ABCC1: variants seen among roughly 807,000 people sequenced by gnomAD.
The protein encoded by ABCC1 is ATP binding cassette subfamily C member 1 (ABCC1 blood group), also known as multidrug resistance-associated protein 1.
Under a neutral mutation model 172.9 loss-of-function variants are expected in ABCC1, and 83 were observed. The ratio of observed to expected loss-of-function variants is 0.48; its 90% CI spans 0.40 to 0.58. The LOEUF is 0.58. Ranked by LOEUF, ABCC1 falls within the 20% of genes least tolerant of loss-of-function variation. ABCC1 has a pLI of 0.00. For missense variants in ABCC1, 1,817 were observed against 2,002.7 expected (o/e 0.91, Z 1.77); for synonymous variants, 937 against 825.2 (o/e 1.14, Z -2.32).
At chr16:16,112,139 G>GC (rs1180394326) in intron 22 of ABCC1, among the ~76,000 whole-genome samples, 1 of 152,044 alleles carries the variant, frequency 6.6e-6, no homozygotes, top group African/African-American at 2.4e-5. Flanking sequence ...ATTGCTTGAG[G>GC]CCAGATATTC....
chr16:16,128,233 AG>A lies in ABCC1; in HGVS notation c.3819+2323del, dbSNP rs376789726. Among the ~76,000 whole-genome samples the A allele has an allele frequency of 2.5e-3, 378 of 152,054 alleles. 2 individuals are homozygous for A. The highest frequency in any genetic ancestry group is 8.0e-3 in the African/African-American group (333 of 41,450). ...TAAGTCTCGCTCCAGCCTGGAGTGC[AG>A]TGGCATGATCTCAGCTCACTGCAAC... On this transcript the variant is annotated intron_variant, in intron 26 of 30. Transcript: ENST00000399410.
intron 23 of ABCC1, among the ~76,000 whole-genome samples, chr16:16,118,924 G>A (rs7205368): frequency 3.5e-5 from 5 of 142,378 alleles, no homozygotes; most frequent in African/African-American, 1.0e-4. Context: ...GCAGTGCTTA[G>A]AATGTTCTCA....
Position 16,138,503 on chromosome 16 carries a change from G to T in ABCC1, c.4432G>T (p.Asp1478Tyr). Residue 1478 changes from aspartate to tyrosine, a missense_variant, in exon 30 of 31, where the codon GAC (aspartate) becomes TAC (tyrosine). This residue lies in a region of ABCC1 where 1,412 missense variants were observed against 1,600.3 expected (regional missense o/e 0.88). Coordinates refer to ENST00000399410, the MANE Select transcript of ABCC1 (RefSeq NM_004996.4). ...GTCCACCATCCGGACACAGTTCGAG[G>T]ACTGCACCGTCCTCACCATCGCCCA... ...IQSTIRTQFE[D>Y]CTVLTIAHRL... is the part of the protein sequence containing the mutation. 6.2e-7 allele frequency: 1 copy of T among 1,612,020 alleles called. No homozygotes were observed. The highest frequency in any genetic ancestry group is 8.5e-7 in the Non-Finnish European group (1 of 1,178,484).
At chr16:16,115,328 T>C (rs1004538457) in intron 23 of ABCC1, among the ~76,000 whole-genome samples, 1 of 152,226 alleles carries the variant, frequency 6.6e-6, no homozygotes, top group Non-Finnish European at 1.5e-5. Flanking sequence ...ACAAAACCTA[T>C]CACTATAAAG....
rs372605951 is a variant in ABCC1, at chr16:16,056,058, G to A, written c.1474-34G>A. On this transcript the variant is annotated intron_variant, in intron 11 of 30. Transcript: ENST00000399410. The stretch of plus-strand genomic sequence containing the variant: ...TGAGTGATGGGCTGATCCCAGGGTC[G>A]CCCCAGATGTGTTGACTGCCCGTCT... The A allele has an allele frequency of 1.3e-4, 203 of 1,596,084 alleles. 3 individuals carry two copies. Among genetic ancestry groups the A allele is most frequent in the African/African-American group, 3.5e-4 (26 of 74,528 alleles).
chr16:16,066,309 G>T (rs559000788), intron 12 of ABCC1, among the ~76,000 whole-genome samples: 2 of 152,052 alleles, frequency 1.3e-5, no homozygotes, highest in East Asian at 3.9e-4. Flanking sequence ...AGCCTACTGA[G>T]TAGCTGGGAT....
At chr16:16,076,102 G>A in intron 14 of ABCC1, 1 of 544,238 alleles carries the variant, frequency 1.8e-6, no homozygotes, top group Non-Finnish European at 3.2e-6. Context: ...CAAGGACAAA[G>A]CTGCTTGCAG....
intron 19 of ABCC1, among the ~76,000 whole-genome samples, chr16:16,100,902 G>A (rs1038889910): frequency 1.3e-5 from 2 of 152,198 alleles, no homozygotes; most frequent in African/African-American, 4.8e-5. Flanking sequence ...ACATATCACA[G>A]TTCCTGGAGC....
chr16:15,950,374 A>G (rs987579460), intron 1 of ABCC1, among the ~76,000 whole-genome samples: 1 of 151,634 alleles, frequency 6.6e-6, no homozygotes, highest in African/African-American at 2.4e-5. Context: ...CTGCGGGGGA[A>G]GTTTGGGGGA....
chr16:16,047,348 G>A (rs539020257), intron 9 of ABCC1, among the ~76,000 whole-genome samples: 1 of 152,254 alleles, frequency 6.6e-6, no homozygotes, highest in East Asian at 1.9e-4. Flanking sequence ...CTAGAGTGCA[G>A]TGGCATGATC....
chr16:16,085,211 G>A (rs2050961700), intron 17 of ABCC1, among the ~76,000 whole-genome samples: 1 of 152,056 alleles, frequency 6.6e-6, no homozygotes, highest in Non-Finnish European at 1.5e-5. Flanking sequence ...CATCTCCCAG[G>A]TTTTCCTGCT....
intron 26 of ABCC1, among the ~76,000 whole-genome samples, chr16:16,130,337 A>ATT (rs59553978): frequency 7.3e-5 from 11 of 151,722 alleles, no homozygotes; most frequent in African/African-American, 2.4e-4. Flanking sequence ...ATTTATTTAA[A>ATT]TTTTTTTTTA....
chr16:15,981,083 C>T (rs1366894735), intron 1 of ABCC1, among the ~76,000 whole-genome samples: 6 of 152,224 alleles, frequency 3.9e-5, no homozygotes, highest in Non-Finnish European at 1.5e-5. Flanking sequence ...CCAGGTCATG[C>T]TTATGCGAGA....
At chr16:15,978,290 C>G (rs2046537291) in intron 1 of ABCC1, among the ~76,000 whole-genome samples, 1 of 152,036 alleles carries the variant, frequency 6.6e-6, no homozygotes, top group Non-Finnish European at 1.5e-5. Flanking sequence ...CTCCTGAGCT[C>G]AGGAGGTTGA....
intron 20 of ABCC1, among the ~76,000 whole-genome samples, 196 bp downstream of exon 20, chr16:16,102,913 G>A (rs1387459469): frequency 6.6e-6 from 1 of 152,182 alleles, no homozygotes; most frequent in Non-Finnish European, 1.5e-5. Context: ...CTTTTTGCCA[G>A]GTGGCACAAC....
At chr16:16,115,284 G>A (rs556527417) in intron 23 of ABCC1, among the ~76,000 whole-genome samples, 98 of 152,220 alleles carry the variant, frequency 6.4e-4, no homozygotes, top group African/African-American at 2.2e-3. Context: ...TTTTTCCTAA[G>A]TTTTACTTTT....
At chr16:16,140,895 A>G (rs1230970990) in intron 30 of ABCC1, among the ~76,000 whole-genome samples, 3 of 152,220 alleles carry the variant, frequency 2.0e-5, no homozygotes, top group Admixed American at 1.3e-4. Context: ...TTTACTCTGA[A>G]TGTAATGGAA....
At chr16:16,111,993 G>T (rs879879207) in intron 22 of ABCC1, among the ~76,000 whole-genome samples, 1 of 152,126 alleles carries the variant, frequency 6.6e-6, no homozygotes, top group Non-Finnish European at 1.5e-5. Context: ...CCAATTATGG[G>T]CAGTGTTGTC....
chr16:15,969,302 G>A (rs1467205262), intron 1 of ABCC1, among the ~76,000 whole-genome samples: 2 of 151,598 alleles, frequency 1.3e-5, no homozygotes, highest in Admixed American at 6.6e-5. Context: ...TTTAATTGCA[G>A]ATGAAATGTA....
Sources: gnomAD v4.1 joint callset for allele counts (sites outside exome capture counted in the v4.1 genomes callset) on GRCh38, gnomAD v4.1.1 for gene constraint, gnomAD v4.1.1 regional missense constraint, MANE v1.5 for transcripts, NCBI Gene and HGNC (gene_info 2026-07-23, HGNC 2026-07-21) for gene names.